The following KLHL1 variants were observed in gnomAD, a reference collection of about 807,000 sequenced individuals.
KLHL1 encodes the protein kelch like family member 1, also known as kelch-like protein 1.
In KLHL1, 47 loss-of-function variants were observed where a neutral mutation model predicts 77.7. The observed-to-expected ratio is 0.60, with a 90% CI of 0.48 to 0.77. The LOEUF (loss-of-function observed/expected upper bound fraction) is 0.77. Among genes scored for constraint, KLHL1 ranks in the 30% least tolerant of loss-of-function variants. KLHL1 has a pLI of 0.00. For missense variants in KLHL1, 925 were observed against 910.8 expected (o/e 1.02, Z -0.20); for synonymous variants, 360 against 325.2 (o/e 1.11, Z -1.15).
rs542130566 is a variant in KLHL1 at position 69,976,155 on chromosome 13, G to A, written c.498-353C>T. 2.5e-3 allele frequency among the ~76,000 whole-genome samples: 384 copies of A among 151,918 alleles called. 2 individuals are homozygous for A. The highest frequency in any genetic ancestry group is 3.9e-3 in the Non-Finnish European group (265 of 67,896). Reference sequence around the variant, plus strand: ...TAATTAGCAATGAAATGTTAATTTCGTTCATTTGATATTGAGGAAGATAGC... The same window carrying A: ...TAATTAGCAATGAAATGTTAATTTCATTCATTTGATATTGAGGAAGATAGC... On this transcript the variant is annotated intron_variant, in intron 1 of 10. Transcript: ENST00000377844.
At chr13:69,953,859 G>T (rs1258100699) in intron 3 of KLHL1, among the ~76,000 whole-genome samples, 3 of 151,124 alleles carry the variant, frequency 2.0e-5, no homozygotes, top group African/African-American at 7.3e-5. Context: ...TTGTGAAAAA[G>T]ATTTGAAAAA....
At chr13:70,053,149 AC>A (rs1886668373) in intron 1 of KLHL1, among the ~76,000 whole-genome samples, 1 of 152,116 alleles carries the variant, frequency 6.6e-6, no homozygotes, top group Non-Finnish European at 1.5e-5. Flanking sequence ...CTTAAAAGAA[AC>A]ATACAGAATT....
At chr13:70,062,818 A>G (rs1244735634) in intron 1 of KLHL1, among the ~76,000 whole-genome samples, 1 of 152,202 alleles carries the variant, frequency 6.6e-6, no homozygotes, top group Non-Finnish European at 1.5e-5. Flanking sequence ...TAACAAAATT[A>G]TATTTTAGTT....
intron 1 of KLHL1, among the ~76,000 whole-genome samples, chr13:70,086,597 AG>A (rs1212392326): frequency 0.02 from 1,121 of 56,372 alleles, 5 homozygotes; most frequent in Non-Finnish European, 0.024. Context: ...AAAAAAAGAA[AG>A]AAAGAAAGAA....
intron 6 of KLHL1, among the ~76,000 whole-genome samples, chr13:69,811,697 C>G (rs1370895377): frequency 1.3e-5 from 2 of 152,116 alleles, no homozygotes; most frequent in African/African-American, 2.4e-5. Flanking sequence ...TCTCTCTTCA[C>G]TGATTATATG....
chr13:69,997,592 CATAAT>C (rs1362482616), intron 1 of KLHL1, among the ~76,000 whole-genome samples: 1 of 150,458 alleles, frequency 6.6e-6, no homozygotes, highest in African/African-American at 2.4e-5. Flanking sequence ...TTTCACTTAA[CATAAT>C]GTCTTCCAGA....
chr13:70,037,947 A>G (rs1445937105), intron 1 of KLHL1, among the ~76,000 whole-genome samples: 1 of 152,160 alleles, frequency 6.6e-6, no homozygotes, highest in Non-Finnish European at 1.5e-5. Flanking sequence ...ATTTGGTATG[A>G]TAATTCCAAT....
At chr13:69,934,216 G>C (rs1316226897) in intron 4 of KLHL1, among the ~76,000 whole-genome samples, 1 of 152,092 alleles carries the variant, frequency 6.6e-6, no homozygotes, top group African/African-American at 2.4e-5. Flanking sequence ...ATCATTGGTG[G>C]TAAGGCTCGC....
intron 2 of KLHL1, among the ~76,000 whole-genome samples, chr13:69,966,215 G>A (rs1164625304): frequency 3.9e-5 from 6 of 152,102 alleles, no homozygotes; most frequent in African/African-American, 1.2e-4. Flanking sequence ...GTCAATGACT[G>A]GCTTCTAAGC....
At chr13:69,776,973 C>A (rs768153500) in intron 7 of KLHL1, among the ~76,000 whole-genome samples, 2 of 152,098 alleles carry the variant, frequency 1.3e-5, no homozygotes, top group African/African-American at 4.8e-5. Flanking sequence ...TATGTCCCCA[C>A]CCAAATCTCA....
At chr13:69,718,898 A>C (rs1388007431) in intron 9 of KLHL1, among the ~76,000 whole-genome samples, 3 of 152,276 alleles carry the variant, frequency 2.0e-5, no homozygotes, top group Non-Finnish European at 4.4e-5. Flanking sequence ...GTATGTCATA[A>C]AAGAACTTGA....
chr13:69,842,225 A>G (rs1227079074), intron 5 of KLHL1, among the ~76,000 whole-genome samples: 2 of 151,682 alleles, frequency 1.3e-5, no homozygotes, highest in Non-Finnish European at 3.0e-5. Context: ...CTTCTGCACA[A>G]CAAAGGAAAA....
chr13:70,024,620 T>TTCTCTCTCTTTCTCTCTTTCTCTCTC (rs1885887024), intron 1 of KLHL1, among the ~76,000 whole-genome samples: 1 of 130,288 alleles, frequency 7.7e-6, no homozygotes, highest in Non-Finnish European at 1.7e-5. Flanking sequence ...GAGAAAAGAT[T>TTCTCTCTCTTTCTCTCTTTCTCTCTC]TCTCTCTCTC....
chr13:69,893,655 C>T (rs1265355511), intron 4 of KLHL1, among the ~76,000 whole-genome samples: 1 of 152,060 alleles, frequency 6.6e-6, no homozygotes, highest in African/African-American at 2.4e-5. Flanking sequence ...GCTCTAAATA[C>T]GAAAGTTGGT....
intron 6 of KLHL1, among the ~76,000 whole-genome samples, chr13:69,812,957 A>T (rs1229171377): frequency 2.7e-5 from 4 of 147,386 alleles, no homozygotes; most frequent in African/African-American, 1.0e-4. Flanking sequence ...CATTTGACCC[A>T]GCCATCCCAT....
At chr13:69,776,093 T>C (rs1035693862) in intron 7 of KLHL1, among the ~76,000 whole-genome samples, 4 of 151,590 alleles carry the variant, frequency 2.6e-5, no homozygotes, top group African/African-American at 9.7e-5. Flanking sequence ...GAGGTGGAGC[T>C]TGCAGTGAGC....
At chr13:69,939,785 G>A (rs77902004) in intron 4 of KLHL1, among the ~76,000 whole-genome samples, 1,561 of 152,126 alleles carry the variant, frequency 0.01, 25 homozygotes, top group African/African-American at 0.035. Flanking sequence ...CCTTTGCAAT[G>A]TCTTTTATGA....
intron 5 of KLHL1, among the ~76,000 whole-genome samples, chr13:69,879,531 G>GAA (rs1369846138): frequency 6.6e-6 from 1 of 151,838 alleles, no homozygotes; most frequent in African/African-American, 2.4e-5. Flanking sequence ...TTAATCATTC[G>GAA]AAAAAAAGCA....
At chr13:69,786,879 G>A (rs536845778) in intron 7 of KLHL1, among the ~76,000 whole-genome samples, 6 of 151,978 alleles carry the variant, frequency 3.9e-5, no homozygotes, top group Non-Finnish European at 8.8e-5. Context: ...AAACAGAGCC[G>A]AATCATGAGG....
Sources: allele counts gnomAD v4.1 joint callset (sites outside exome capture counted in the v4.1 genomes callset), GRCh38; gene constraint gnomAD v4.1.1; transcripts MANE v1.5; gene names NCBI Gene and HGNC (gene_info 2026-07-23, HGNC 2026-07-21).